The following UGGT2 variants were observed in gnomAD, a reference collection of about 807,000 sequenced individuals.
UGGT2 encodes UDP-glucose glycoprotein glucosyltransferase 2.
A neutral mutation model predicts 192.1 loss-of-function variants in UGGT2; 180 were observed. That is an observed-to-expected ratio of 0.94 (90% confidence interval 0.83 to 1.06). UGGT2 has a LOEUF of 1.06. UGGT2 is among the 50% of genes least tolerant of loss of function. The probability of loss-of-function intolerance (pLI) is 0.00; values close to 1 mark genes in which losing one functional copy is unlikely to be tolerated. For missense variants in UGGT2, 1,849 were observed against 1,795.7 expected, an observed-to-expected ratio of 1.03 and a Z score of -0.54; for synonymous variants, 580 against 591.0, an observed-to-expected ratio of 0.98 and a Z score of 0.27.
chr13:95,947,326 G>A (rs1268101728), intron 14 of UGGT2, among the ~76,000 whole-genome samples, 154 bp from the exon 15 acceptor site: 1 of 152,158 alleles, frequency 6.6e-6, no homozygotes, highest in Non-Finnish European at 1.5e-5. Context: ...AAGTTTGAAT[G>A]TAATGCCTAT....
chr13:95,996,500 A>C (rs970762464), intron 6 of UGGT2, among the ~76,000 whole-genome samples: 2 of 152,100 alleles, frequency 1.3e-5, no homozygotes, highest in Admixed American at 6.6e-5. Context: ...TGTCTAAAAA[A>C]AAAAAAAAAA....
intron 33 of UGGT2, among the ~76,000 whole-genome samples, chr13:95,857,342 T>A (rs975574576): frequency 3.3e-5 from 5 of 152,150 alleles, no homozygotes; most frequent in South Asian, 2.1e-4. Flanking sequence ...TAAGGGTACA[T>A]TAGTGAACAA....
chr13:95,951,855 C>T (rs1402372014), intron 12 of UGGT2, among the ~76,000 whole-genome samples: 9 of 152,074 alleles, frequency 5.9e-5, no homozygotes, highest in African/African-American at 1.4e-4. Context: ...GTCAGGAGTT[C>T]GAGACCAGCT....
At chr13:95,986,271 T>C (rs2051286599) in intron 9 of UGGT2, 62 bp downstream of exon 9, 1 of 1,174,372 alleles carries the variant, frequency 8.5e-7, no homozygotes, top group Admixed American at 2.0e-5. Context: ...TCAGCTATTT[T>C]CATAAAACTC....
chr13:95,892,291 C>T (rs1271902979), intron 24 of UGGT2, among the ~76,000 whole-genome samples: 1 of 152,064 alleles, frequency 6.6e-6, no homozygotes, highest in Non-Finnish European at 1.5e-5. Flanking sequence ...GAGTAGAATC[C>T]TGAGCCCACT....
At chr13:95,813,135 A>C (rs1884659451) in intron 38 of UGGT2, among the ~76,000 whole-genome samples, 1 of 152,188 alleles carries the variant, frequency 6.6e-6, no homozygotes, top group Non-Finnish European at 1.5e-5. Context: ...ACACTGCTAT[A>C]AAGATACCTG....
At chr13:96,013,186 A>G in intron 5 of UGGT2, 121 bp downstream of exon 5, 1 of 960,844 alleles carries the variant, frequency 1.0e-6, no homozygotes. Context: ...ACATTTGTTA[A>G]GTTAAAAAAA....
chr13:95,882,967 T>A (rs1054702447), intron 27 of UGGT2, among the ~76,000 whole-genome samples: 1 of 151,790 alleles, frequency 6.6e-6, no homozygotes, highest in African/African-American at 2.4e-5. Flanking sequence ...AAACAGCGAT[T>A]TTTTTTTTCA....
At chr13:95,998,072 G>A (rs1284029351) in intron 6 of UGGT2, among the ~76,000 whole-genome samples, 1 of 152,140 alleles carries the variant, frequency 6.6e-6, no homozygotes, top group Non-Finnish European at 1.5e-5. Flanking sequence ...TAAGGGCACT[G>A]AAGACCTAAG....
At chr13:95,845,379 G>A (rs200469015) in intron 36 of UGGT2, among the ~76,000 whole-genome samples, 1 of 33,494 alleles carries the variant, frequency 3.0e-5, no homozygotes, top group East Asian at 9.7e-4. Flanking sequence ...GGTGATGACT[G>A]GTATGCTGCC....
At chr13:95,858,407 G>A (rs1198770738) in intron 33 of UGGT2, among the ~76,000 whole-genome samples, 1 of 152,000 alleles carries the variant, frequency 6.6e-6, no homozygotes, top group Non-Finnish European at 1.5e-5. Flanking sequence ...GAAGGGGTTA[G>A]AGGTTAAGGT....
intron 36 of UGGT2, among the ~76,000 whole-genome samples, chr13:95,842,440 T>C (rs1360765795): frequency 6.6e-6 from 1 of 152,208 alleles, no homozygotes; most frequent in Non-Finnish European, 1.5e-5. Flanking sequence ...AGTATTACAT[T>C]CTATGAATAT....
rs1887391077 is a variant in UGGT2, at chr13:95,837,253, G to A, written c.4285-51C>T. The A allele has an allele frequency of 3.1e-6, 4 of 1,289,940 alleles. No individual in the cohort carries two copies. In the East Asian group the frequency reaches 9.2e-5, roughly 30 times the overall value. The allele number at this position is 1,289,940 out of a possible 1,614,324, so 79.9% of individuals were successfully genotyped here. A position where few individuals can be genotyped will look rare whatever the true frequency, so the allele number is the denominator to read the frequency against. On this transcript the variant is annotated intron_variant, in intron 36 of 38. Coordinates refer to ENST00000376747, the MANE Select transcript of UGGT2 (RefSeq NM_020121.4). ...AGACGTATGAAATTTAGAGTCAGAA[G>A]GAAAGAAGCTGAATGAAGTAAGACA...
At chr13:95,925,808 T>A (rs1338759954) in intron 19 of UGGT2, 34 bp from the exon 20 acceptor site, 1 of 1,445,646 alleles carries the variant, frequency 6.9e-7, no homozygotes, top group Middle Eastern at 2.0e-4. Flanking sequence ...CAAATTAACT[T>A]TTTTTTTAAA....
chr13:95,847,884 G>A (rs1888635893), intron 36 of UGGT2, among the ~76,000 whole-genome samples: 1 of 152,192 alleles, frequency 6.6e-6, no homozygotes, highest in South Asian at 2.1e-4. Flanking sequence ...CTGTCAAATT[G>A]TCTTCCAAAG....
Position 95,854,437 on chromosome 13 carries a change from A to T in UGGT2, c.4047T>A (p.Asp1349Glu). 6.2e-7 allele frequency: 1 copy of T among 1,611,126 alleles called. No homozygotes were observed. The highest frequency in any genetic ancestry group is 8.5e-7 in the Non-Finnish European group (1 of 1,178,930). The change falls in exon 35 of 39, where the codon GAT (aspartate) becomes GAA (glutamate). Residue 1349 changes from aspartate to glutamate, a missense_variant. Asp to Glu is a conservative substitution (Grantham distance 45). Coordinates refer to ENST00000376747, the MANE Select transcript of UGGT2 (RefSeq NM_020121.4). ...TATACCCATAAGGAGCTCCATCCAG[A>T]TCGAAATCTCGAAGTTCTTTTAGAT... The part of the protein sequence containing the change: ...RHDLKELRDF[D>E]LDGAPYGYTP...
chr13:95,803,716 C>A (rs1346571970), intron 38 of UGGT2, among the ~76,000 whole-genome samples: 1 of 152,108 alleles, frequency 6.6e-6, no homozygotes, highest in Non-Finnish European at 1.5e-5. Flanking sequence ...AGTAATTAAC[C>A]CTCCCATTTG....
chr13:95,932,655 C>A (rs1046248178), intron 17 of UGGT2, among the ~76,000 whole-genome samples: 1 of 152,092 alleles, frequency 6.6e-6, no homozygotes, highest in African/African-American at 2.4e-5. Context: ...ACTGGGCATC[C>A]TTTTCCTGTT....
chr13:95,940,046 T>C lies in UGGT2; in HGVS notation c.1723A>G (p.Asn575Asp). The C allele has an allele frequency of 6.3e-7, 1 of 1,579,128 alleles. No individual in the cohort carries two copies. Among genetic ancestry groups the C allele is most frequent in the Non-Finnish European group, 8.6e-7 (1 of 1,161,958 alleles). ...GTATTTTGGAGAACACTCTTCACAT[T>C]GTCCACAGTGAGTATATTTTGATCC... ...KKDQNILTVD[N>D]VKSVLQNTFP... is the part of the protein sequence containing the mutation. The change falls in exon 16 of 39, where the codon AAT becomes GAT. Residue 575 changes from asparagine (N) to aspartate (D), a missense_variant. Transcript: ENST00000376747.
Sources: gnomAD v4.1 joint callset for allele counts (sites outside exome capture counted in the v4.1 genomes callset) on GRCh38, gnomAD v4.1.1 for gene constraint, MANE v1.5 for transcripts, NCBI Gene and HGNC (gene_info 2026-07-23, HGNC 2026-07-21) for gene names.